Variants in SLC35F3 observed in about 807,000 individuals in gnomAD.
SLC35F3 encodes solute carrier family 35 member F3, also known as putative thiamine transporter SLC35F3.
Under a neutral mutation model 49.9 loss-of-function variants are expected in SLC35F3, and 25 were observed. The ratio of observed to expected loss-of-function variants is 0.50; its 90% CI spans 0.37 to 0.70. SLC35F3 has a LOEUF of 0.70. Among genes scored for constraint, SLC35F3 ranks in the 30% least tolerant of loss-of-function variants. The probability of loss-of-function intolerance (pLI) is 0.00; values close to 1 mark genes in which losing one functional copy is unlikely to be tolerated. For missense variants in SLC35F3, 525 were observed against 639.8 expected (o/e 0.82, Z 1.94); for synonymous variants, 275 against 265.4 (o/e 1.04, Z -0.35).
In SLC35F3 at chr1:234,231,433, G is replaced by C; in HGVS notation, c.300G>C (p.Arg100=). ...CTTCCCCAGGGGAGGAGCGCCCCCG[G>C]GACTCCCCGGGCCCGGCGGAGGCCC... ...AASCKREERP[R]DSPGPAEAQA... is the part of the protein sequence containing the mutation. The change falls in exon 3 of 8, where the codon CGG becomes CGC. Residue 100 remains arginine, a synonymous_variant. Transcript: ENST00000366618. This position sits in a 1 kb window ranked among gnomAD's most constrained non-coding sequence, Gnocchi z 5.4. 1 of 1,581,654 alleles carries C rather than the reference G, an allele frequency of 6.3e-7. No individual in the cohort carries two copies. The highest frequency in any genetic ancestry group is 1.2e-5 in the South Asian group (1 of 86,524).
intron 2 of SLC35F3, among the ~76,000 whole-genome samples, chr1:234,055,032 G>C (rs1418886691): frequency 6.6e-6 from 1 of 152,156 alleles, no homozygotes; most frequent in Non-Finnish European, 1.5e-5. Flanking sequence ...GCACTCGGCC[G>C]TATGAGGTGT....
chr1:234,115,477 C>A (rs1308869990), intron 2 of SLC35F3, among the ~76,000 whole-genome samples: 1 of 152,158 alleles, frequency 6.6e-6, no homozygotes, highest in Non-Finnish European at 1.5e-5. Flanking sequence ...CCTCAGCTTC[C>A]CTTTTGGCCT....
intron 2 of SLC35F3, among the ~76,000 whole-genome samples, chr1:234,006,988 A>G (rs1164232792): frequency 6.6e-6 from 1 of 152,128 alleles, no homozygotes; most frequent in Non-Finnish European, 1.5e-5. Flanking sequence ...TCAGCTTTGT[A>G]GCCATTTTTT....
intron 2 of SLC35F3, among the ~76,000 whole-genome samples, chr1:234,094,761 C>T (rs1020913576): frequency 1.3e-5 from 2 of 152,064 alleles, no homozygotes; most frequent in African/African-American, 4.8e-5. Flanking sequence ...GCTTTGAAGG[C>T]ACTGATGGCA....
intron 2 of SLC35F3, among the ~76,000 whole-genome samples, chr1:233,962,679 G>A (rs1662823928): frequency 6.6e-6 from 1 of 152,198 alleles, no homozygotes; most frequent in Admixed American, 6.5e-5. Context: ...TTTCACAGGT[G>A]ACACACTTCT....
At chr1:234,268,780 A>G (rs1408649862) in intron 3 of SLC35F3, 1 of 152,236 alleles carries the variant, frequency 6.6e-6, no homozygotes, top group Non-Finnish European at 1.5e-5. Flanking sequence ...TACGGCAGTG[A>G]AAATCAGTGG....
intron 2 of SLC35F3, among the ~76,000 whole-genome samples, chr1:234,041,561 A>T (rs1268546194): frequency 6.6e-6 from 1 of 152,054 alleles, no homozygotes; most frequent in Non-Finnish European, 1.5e-5. Flanking sequence ...ATGTATCTAT[A>T]TGCATTCACA....
At chr1:234,282,092 C>T (rs1341175283) in intron 3 of SLC35F3, among the ~76,000 whole-genome samples, 2 of 152,206 alleles carry the variant, frequency 1.3e-5, no homozygotes, top group Non-Finnish European at 2.9e-5. Flanking sequence ...TCTCAACACC[C>T]TCCGGCATCA....
At position 234,046,409 on chromosome 1, in the gene SLC35F3, C is replaced by G. The variant is rs1664292537; in HGVS notation, c.283+140651C>G. ...GACCATATTTTCATATTCAAGTGTCCTCTTCACTAAATTGCTGCTCATTGT... is the reference window on the plus strand; with the variant it reads ...GACCATATTTTCATATTCAAGTGTCGTCTTCACTAAATTGCTGCTCATTGT... On this transcript the variant is annotated intron_variant, in intron 2 of 7. Transcript: ENST00000366618. This position sits in a 1 kb window ranked among gnomAD's most constrained non-coding sequence, Gnocchi z 4.4. 6.6e-6 allele frequency among the ~76,000 whole-genome samples: 1 copy of G among 152,054 alleles called. No individual in the cohort carries two copies. Among genetic ancestry groups the G allele is most frequent in the Non-Finnish European group, 1.5e-5 (1 of 68,006 alleles).
chr1:233,932,304 A>G (rs1340417253), intron 2 of SLC35F3, among the ~76,000 whole-genome samples: 1 of 151,176 alleles, frequency 6.6e-6, no homozygotes, highest in African/African-American at 2.4e-5. Context: ...ACAAAAAAAG[A>G]AGGGGTTGGT....
chr1:234,288,622 T>C (rs1229913113), intron 3 of SLC35F3, among the ~76,000 whole-genome samples: 2 of 152,224 alleles, frequency 1.3e-5, no homozygotes, highest in Non-Finnish European at 2.9e-5. Context: ...TCAAGGAGTT[T>C]CTCTCATGCC....
intron 2 of SLC35F3, among the ~76,000 whole-genome samples, chr1:233,940,351 GAC>G (rs1169931370): frequency 1.0e-3 from 134 of 131,722 alleles, no homozygotes; most frequent in African/African-American, 2.8e-3. Flanking sequence ...AAGGGATACA[GAC>G]ACACACACAC....
intron 2 of SLC35F3, among the ~76,000 whole-genome samples, chr1:234,136,528 T>C (rs1665814731): frequency 1.3e-5 from 2 of 152,212 alleles, no homozygotes; most frequent in South Asian, 2.1e-4. Flanking sequence ...TCTTTCTTAA[T>C]GGTGCATATT....
At chr1:234,216,781 C>T (rs191794904) in intron 2 of SLC35F3, among the ~76,000 whole-genome samples, 8 of 152,298 alleles carry the variant, frequency 5.3e-5, no homozygotes, top group South Asian at 2.1e-4. Context: ...AAGGAACAAC[C>T]TACTTCAGCA....
At chr1:233,936,773 T>C (rs1662341314) in intron 2 of SLC35F3, among the ~76,000 whole-genome samples, 1 of 152,006 alleles carries the variant, frequency 6.6e-6, no homozygotes, top group East Asian at 1.9e-4. Flanking sequence ...ACTGCAGCCT[T>C]GACCTCCCAG....
chr1:233,926,215 T>C (rs926253525), intron 2 of SLC35F3, among the ~76,000 whole-genome samples: 2 of 152,338 alleles, frequency 1.3e-5, no homozygotes, highest in African/African-American at 4.8e-5. Context: ...CTGGATAACA[T>C]CCTGAAGAGT....
chr1:234,138,504 T>C (rs1446869941), intron 2 of SLC35F3, among the ~76,000 whole-genome samples: 5 of 152,198 alleles, frequency 3.3e-5, no homozygotes, highest in Admixed American at 3.3e-4. Flanking sequence ...AGTTTCAATT[T>C]ATGTGGATTT....
intron 4 of SLC35F3, among the ~76,000 whole-genome samples, chr1:234,315,564 A>C (rs1011034830): frequency 2.6e-5 from 4 of 152,228 alleles, no homozygotes; most frequent in Admixed American, 6.5e-5. Flanking sequence ...GTGAATGATA[A>C]TATCTACTGT....
intron 2 of SLC35F3, among the ~76,000 whole-genome samples, chr1:234,201,942 AGGTGTGT>A (rs2102934943): frequency 6.6e-6 from 1 of 150,882 alleles, no homozygotes; most frequent in African/African-American, 2.4e-5. Context: ...GAAGGAGTTA[AGGTGTGT>A]GCAAATGCAA....
Sources: gnomAD v4.1 joint callset for allele counts (sites outside exome capture counted in the v4.1 genomes callset) on GRCh38, gnomAD v4.1.1 for gene constraint, Gnocchi (gnomAD v3.1) non-coding constraint, MANE v1.5 for transcripts, NCBI Gene and HGNC (gene_info 2026-07-23, HGNC 2026-07-21) for gene names.